The following BRINP2 variants were observed in gnomAD, a reference collection of about 807,000 sequenced individuals.
BRINP2 encodes the protein BMP/retinoic acid-inducible neural-specific protein 2.
A neutral mutation model predicts 69.2 loss-of-function variants in BRINP2; 21 were observed. The observed-to-expected ratio is 0.30, with a 90% CI of 0.22 to 0.44. BRINP2 has a LOEUF of 0.44. Among genes scored for constraint, BRINP2 ranks in the 20% least tolerant of loss-of-function variants. The probability of loss-of-function intolerance (pLI) is 1.00; values close to 1 mark genes in which losing one functional copy is unlikely to be tolerated. For synonymous variants in BRINP2, 380 were observed against 394.1 expected, an observed-to-expected ratio of 0.96 and a Z score of 0.42; for missense variants, 877 against 986.0, an observed-to-expected ratio of 0.89 and a Z score of 1.48.
At chr1:177,191,706 G>A (rs1571889033) in intron 1 of BRINP2, among the ~76,000 whole-genome samples, 3 of 152,062 alleles carry the variant, frequency 2.0e-5, no homozygotes, top group South Asian at 4.1e-4. Context: ...CACCTGCCTC[G>A]GCCTCACAAA....
At chr1:177,181,658 T>C (rs566447025) in intron 1 of BRINP2, among the ~76,000 whole-genome samples, 76 of 152,308 alleles carry the variant, frequency 5.0e-4, no homozygotes, top group African/African-American at 1.7e-3. Context: ...TCACTCGGTG[T>C]TCAGCCATTT....
At chr1:177,190,433 T>C (rs575662353) in intron 1 of BRINP2, among the ~76,000 whole-genome samples, 1 of 152,340 alleles carries the variant, frequency 6.6e-6, no homozygotes, top group Admixed American at 6.5e-5. Context: ...TCTGCTTATG[T>C]CGCACTTCTC....
intron 2 of BRINP2, among the ~76,000 whole-genome samples, chr1:177,237,160 T>C (rs1650051994): frequency 6.6e-6 from 1 of 152,194 alleles, no homozygotes; most frequent in Non-Finnish European, 1.5e-5. Flanking sequence ...GCTCGAGCAA[T>C]TGGATTCAGG....
intron 1 of BRINP2, among the ~76,000 whole-genome samples, chr1:177,191,965 T>C (rs954642409): frequency 2.0e-5 from 3 of 152,218 alleles, no homozygotes; most frequent in African/African-American, 7.2e-5. Flanking sequence ...TTTTCTTTAA[T>C]ACATATCTTG....
intron 2 of BRINP2, 117 bp downstream of exon 2, chr1:177,230,262 A>T: frequency 8.6e-7 from 1 of 1,156,192 alleles, no homozygotes; most frequent in Non-Finnish European, 1.2e-6. Context: ...ACTGAGCTAG[A>T]GGTGAAAGCT....
At chr1:177,192,043 G>T (rs570381236) in intron 1 of BRINP2, among the ~76,000 whole-genome samples, 18 of 152,242 alleles carry the variant, frequency 1.2e-4, no homozygotes, top group Non-Finnish European at 2.6e-4. Context: ...AGGTTTAAAG[G>T]TGGCATCAAT....
intron 2 of BRINP2, 121 bp from the exon 3 acceptor site, chr1:177,255,798 G>A: frequency 9.9e-7 from 1 of 1,015,046 alleles, no homozygotes; most frequent in East Asian, 2.5e-5. Flanking sequence ...CAGCTGAGGG[G>A]ATGTGGGCTG....
chr1:177,176,773 G>C (rs1055367884), intron 1 of BRINP2, among the ~76,000 whole-genome samples: 6 of 152,038 alleles, frequency 3.9e-5, no homozygotes, highest in Non-Finnish European at 7.4e-5. Context: ...TTTGAAGAGG[G>C]ACCTTGTTAA....
rs764625234 is a variant in BRINP2 at position 177,280,727 on chromosome 1, G to C, written c.1551G>C (p.Leu517=). The part of the protein sequence containing the change: ...TDLQDLELKY[L]LQKQDSRIEV... ...TGCAGGACCTGGAGCTAAAGTACCT[G>C]CTGCAGAAGCAGGATAGCCGCATTG... is the stretch of plus-strand genomic sequence containing the variant. Residue 517 remains leucine, a synonymous_variant, in exon 8 of 8, where the codon CTG becomes CTC. Coordinates refer to ENST00000361539, the MANE Select transcript of BRINP2 (RefSeq NM_021165.4). 2 of 1,614,096 alleles carry C rather than the reference G, an allele frequency of 1.2e-6. No individual in the cohort carries two copies. Among genetic ancestry groups the C allele is most frequent in the African/African-American group, 2.7e-5 (2 of 74,936 alleles).
chr1:177,239,268 G>A (rs1039684373), intron 2 of BRINP2, among the ~76,000 whole-genome samples: 2 of 152,188 alleles, frequency 1.3e-5, no homozygotes, highest in African/African-American at 2.4e-5. Context: ...CTTAGGCTCC[G>A]GGGAACCCTG....
intron 1 of BRINP2, among the ~76,000 whole-genome samples, chr1:177,216,448 T>A (rs968044736): frequency 6.6e-6 from 1 of 152,144 alleles, no homozygotes; most frequent in Non-Finnish European, 1.5e-5. Flanking sequence ...TATGTTTTAC[T>A]TGACAATTTA....
chr1:177,200,303 A>AAAAAAAAAAAAAAAAAAC (rs1648870355), intron 1 of BRINP2, among the ~76,000 whole-genome samples: 1 of 145,712 alleles, frequency 6.9e-6, no homozygotes. Flanking sequence ...CAAAAAAAAA[A>AAAAAAAAAAAAAAAAAAC]AAAAAAAAAA....
intron 4 of BRINP2, among the ~76,000 whole-genome samples, chr1:177,269,040 T>C (rs1205839773): frequency 2.0e-5 from 3 of 152,192 alleles, no homozygotes; most frequent in African/African-American, 7.2e-5. Flanking sequence ...AACACTTCTA[T>C]ACAGCCAGTG....
intron 1 of BRINP2, among the ~76,000 whole-genome samples, chr1:177,187,696 G>A (rs1464556990): frequency 6.6e-6 from 1 of 152,176 alleles, no homozygotes; most frequent in African/African-American, 2.4e-5. Flanking sequence ...TTCTGCTCTT[G>A]AACAGTGAAT....
chr1:177,256,172 C>T (rs1650749135), intron 3 of BRINP2, 63 bp downstream of exon 3: 2 of 1,549,524 alleles, frequency 1.3e-6, no homozygotes, highest in Non-Finnish European at 1.8e-6. Context: ...CGTTAAGACT[C>T]GTGTAGCGTA....
intron 1 of BRINP2, among the ~76,000 whole-genome samples, chr1:177,195,540 C>A (rs1162174846): frequency 1.3e-5 from 2 of 150,608 alleles, no homozygotes; most frequent in Non-Finnish European, 2.9e-5. Context: ...CCTCCTATGC[C>A]GTTTCTTACT....
At chr1:177,211,062 A>G (rs1649208276) in intron 1 of BRINP2, among the ~76,000 whole-genome samples, 1 of 151,308 alleles carries the variant, frequency 6.6e-6, no homozygotes, top group Non-Finnish European at 1.5e-5. Flanking sequence ...ACCACCCTGG[A>G]TACAACCAGA....
At chr1:177,193,503 G>A (rs1472628591) in intron 1 of BRINP2, among the ~76,000 whole-genome samples, 2 of 152,164 alleles carry the variant, frequency 1.3e-5, no homozygotes, top group Admixed American at 6.6e-5. Context: ...TGCCCAACAG[G>A]CACCTGTGGT....
At chr1:177,235,470 G>A (rs537154509) in intron 2 of BRINP2, among the ~76,000 whole-genome samples, 101 of 152,260 alleles carry the variant, frequency 6.6e-4, no homozygotes, top group African/African-American at 2.2e-3. Context: ...AGTAGGTACC[G>A]CAGCTGGGAG....
Sources: allele counts gnomAD v4.1 joint callset (sites outside exome capture counted in the v4.1 genomes callset), GRCh38; gene constraint gnomAD v4.1.1; transcripts MANE v1.5; gene names NCBI Gene and HGNC (gene_info 2026-07-23, HGNC 2026-07-21).